The following RALYL variants were observed in gnomAD, a reference collection of about 807,000 sequenced individuals.
The protein encoded by RALYL is RALY RNA binding protein like.
Under a neutral mutation model 35.1 loss-of-function variants are expected in RALYL, and 29 were observed. The observed-to-expected ratio is 0.83, with a 90% CI of 0.61 to 1.13. The LOEUF is 1.13. Ranked by LOEUF, RALYL falls within the 50% of genes most tolerant of loss-of-function variation. RALYL has a pLI of 0.00. For synonymous variants in RALYL, 120 were observed against 127.6 expected, an observed-to-expected ratio of 0.94 and a Z score of 0.40; for missense variants, 359 against 360.4, an observed-to-expected ratio of 1.00 and a Z score of 0.03.
intron 1 of RALYL, among the ~76,000 whole-genome samples, chr8:84,349,510 A>G (rs1425319616): frequency 6.7e-6 from 1 of 149,952 alleles, no homozygotes; most frequent in Non-Finnish European, 1.5e-5. Context: ...TGCCTACCAC[A>G]CTGGACATCT....
At chr8:84,386,397 A>G (rs1859204532) in intron 1 of RALYL, among the ~76,000 whole-genome samples, 1 of 151,844 alleles carries the variant, frequency 6.6e-6, no homozygotes, top group East Asian at 1.9e-4. Flanking sequence ...GCAGAGGGGA[A>G]ATTTAATTGG....
intron 1 of RALYL, among the ~76,000 whole-genome samples, chr8:84,274,200 T>A (rs1440895629): frequency 6.6e-6 from 1 of 152,198 alleles, no homozygotes; most frequent in Non-Finnish European, 1.5e-5. Context: ...GTGATGCATA[T>A]GTGTGCCTCA....
At chr8:84,752,360 G>A (rs1810282946) in intron 2 of RALYL, among the ~76,000 whole-genome samples, 1 of 152,132 alleles carries the variant, frequency 6.6e-6, no homozygotes, top group Non-Finnish European at 1.5e-5. Context: ...GAAGTTACCT[G>A]AAACTGGAAC....
intron 3 of RALYL, among the ~76,000 whole-genome samples, chr8:84,785,371 A>C (rs950215122): frequency 1.3e-5 from 2 of 152,168 alleles, no homozygotes; most frequent in Non-Finnish European, 2.9e-5. Context: ...ATAAAAAAAA[A>C]TCAACCTCTT....
chr8:84,367,022 G>A (rs1186960872), intron 1 of RALYL, among the ~76,000 whole-genome samples: 1 of 151,242 alleles, frequency 6.6e-6, no homozygotes, highest in Non-Finnish European at 1.5e-5. Context: ...GTGGTGTTCG[G>A]GGAAAAAAAA....
intron 1 of RALYL, among the ~76,000 whole-genome samples, chr8:84,292,735 G>C (rs766916350): frequency 2.6e-5 from 4 of 152,034 alleles, no homozygotes; most frequent in African/African-American, 9.7e-5. Context: ...ACTTTATATG[G>C]TCTAAAAAGG....
chr8:84,688,520 T>G (rs1010673497), intron 2 of RALYL, among the ~76,000 whole-genome samples: 1 of 152,032 alleles, frequency 6.6e-6, no homozygotes, highest in Admixed American at 6.6e-5. Flanking sequence ...GACATCTTAA[T>G]GCAGCAGAAG....
At chr8:84,458,104 T>A (rs1180309599) in intron 1 of RALYL, among the ~76,000 whole-genome samples, 2 of 151,914 alleles carry the variant, frequency 1.3e-5, no homozygotes. Flanking sequence ...TAAATTAACA[T>A]CATGTTGACC....
intron 1 of RALYL, among the ~76,000 whole-genome samples, chr8:84,268,019 G>A (rs972942999): frequency 1.6e-4 from 25 of 152,264 alleles, no homozygotes; most frequent in African/African-American, 6.0e-4. Context: ...TGCTCCACTT[G>A]TTCAGGTCAT....
intron 1 of RALYL, among the ~76,000 whole-genome samples, chr8:84,219,514 TTGTG>T (rs1052524015): frequency 7.9e-5 from 12 of 152,064 alleles, no homozygotes; most frequent in Admixed American, 7.9e-4. Flanking sequence ...CATTTTGTTT[TTGTG>T]TGCGTGTGTA....
At chr8:84,480,930 T>C (rs949230104) in intron 1 of RALYL, among the ~76,000 whole-genome samples, 2 of 152,136 alleles carry the variant, frequency 1.3e-5, no homozygotes, top group Non-Finnish European at 2.9e-5. Context: ...AAGTCTAAAA[T>C]AAATAGAAAA....
At chr8:84,675,339 G>A (rs976827182) in intron 2 of RALYL, among the ~76,000 whole-genome samples, 1 of 152,038 alleles carries the variant, frequency 6.6e-6, no homozygotes, top group African/African-American at 2.4e-5. Flanking sequence ...GGTATAACCA[G>A]TCCACCAATT....
intron 1 of RALYL, among the ~76,000 whole-genome samples, chr8:84,367,797 A>T (rs969868591): frequency 1.2e-4 from 18 of 152,250 alleles, no homozygotes; most frequent in African/African-American, 4.1e-4. Context: ...TCATTATTAT[A>T]GGTAAGATAT....
chr8:84,336,461 C>A (rs1847826134), intron 1 of RALYL, among the ~76,000 whole-genome samples: 1 of 151,852 alleles, frequency 6.6e-6, no homozygotes, highest in Admixed American at 6.6e-5. Context: ...GAGTAAATAA[C>A]TTTATTGGAA....
chr8:84,227,244 G>A (rs12550141), intron 1 of RALYL, among the ~76,000 whole-genome samples: 3 of 151,618 alleles, frequency 2.0e-5, no homozygotes, highest in African/African-American at 7.3e-5. Flanking sequence ...ATTTTTAGTA[G>A]AGACGGGGTT....
intron 1 of RALYL, among the ~76,000 whole-genome samples, chr8:84,400,163 A>G (rs73302522): frequency 0.028 from 4,295 of 152,144 alleles, 199 homozygotes; most frequent in African/African-American, 0.098. Flanking sequence ...CATTTTTTGG[A>G]TTTTGGAATA....
At chr8:84,414,186 T>C (rs184833277) in intron 1 of RALYL, among the ~76,000 whole-genome samples, 2 of 152,166 alleles carry the variant, frequency 1.3e-5, no homozygotes, top group Non-Finnish European at 2.9e-5. Context: ...TAAATTTTCA[T>C]GAAAACCATT....
chr8:84,443,766 G>A (rs765875899), intron 1 of RALYL, among the ~76,000 whole-genome samples: 28 of 152,040 alleles, frequency 1.8e-4, no homozygotes, highest in Non-Finnish European at 1.9e-4. Context: ...TACCCCCTGT[G>A]TTTAGCTTTA....
chr8:84,315,322 G>A (rs1039457504), intron 1 of RALYL, among the ~76,000 whole-genome samples: 1 of 152,084 alleles, frequency 6.6e-6, no homozygotes, highest in Non-Finnish European at 1.5e-5. Flanking sequence ...ATGTACTGAT[G>A]GGAGATAATC....
Sources: allele counts gnomAD v4.1 joint callset (sites outside exome capture counted in the v4.1 genomes callset), GRCh38; gene constraint gnomAD v4.1.1; transcripts MANE v1.5; gene names NCBI Gene and HGNC (gene_info 2026-07-23, HGNC 2026-07-21).